The following TP53I13 variants were observed in gnomAD, a reference collection of about 807,000 sequenced individuals.
TP53I13 encodes tumor protein p53 inducible protein 13.
TP53I13 carries 27 observed loss-of-function variants against 39.1 expected under a neutral mutation model. That is an observed-to-expected ratio of 0.69 (90% CI 0.51 to 0.95). The LOEUF (loss-of-function observed/expected upper bound fraction) is 0.95. Among genes scored for constraint, TP53I13 ranks in the 40% least tolerant of loss-of-function variants. The pLI is 0.00. For missense variants in TP53I13, 544 were observed against 520.4 expected (o/e 1.05, Z -0.44); for synonymous variants, 230 against 224.6 (o/e 1.02, Z -0.22).
At position 29,572,817 on chromosome 17, in the gene TP53I13, C is replaced by T; in HGVS notation, c.1075C>T (p.Leu359=). 1.3e-6 allele frequency: 2 copies of T among 1,500,686 alleles called. No homozygotes were observed. Among genetic ancestry groups the T allele is most frequent in the East Asian group, 2.7e-5 (1 of 37,410 alleles). 93.0% of individuals were successfully genotyped at this position (1,500,686 alleles called of 1,614,324 possible). Residue 359 remains leucine (L), a synonymous_variant, in exon 7 of 7, where the codon CTG becomes TTG. Transcript: ENST00000301057. ...ADSQDTVAAV[L]KRRLLQPSRR... is the part of the protein sequence containing the mutation. ...GCTCGGCGCCCGGCCCACAGCTGTG[C>T]TGAAGCGGAGGCTGCTGCAGCCCTC... is the stretch of plus-strand genomic sequence containing the variant.
downstream of TP53I13, chr17:29,573,276 G>A (rs1255277602): frequency 4.3e-6 from 1 of 234,678 alleles, no homozygotes; most frequent in Non-Finnish European, 8.2e-6. Context: ...CCCTGGACAT[G>A]GGGCTTTAGG....
rs773242102 is a variant in TP53I13, at chr17:29,572,273, C to T, written c.645C>T (p.Pro215=). Residue 215 remains proline (P), a synonymous_variant, in exon 6 of 7, where the codon CCC becomes CCT. Transcript: ENST00000301057. ...RRLRAALGPQ[P]TRSALRFPSA... ...TGCGGGCTGCCCTTGGTCCCCAGCC[C>T]ACTCGCTCAGCCCTGAGGTTTCCCT... The T allele has an allele frequency of 6.2e-7, 1 of 1,612,898 alleles. No individual in the cohort carries two copies.
the TP53I13 span, among the ~76,000 whole-genome samples, chr17:29,579,638 ATGGTAGGAGGATCGTTTGAGGCTG>A: frequency 6.6e-6 from 1 of 151,834 alleles, no homozygotes; most frequent in East Asian, 1.9e-4. Flanking sequence ...TCAAGAGGCT[ATGGTAGGAGGATCGTTTGAGGCTG>A]TGGTAAGCTA....
chr17:29,578,678 G>A, the TP53I13 span: 2 of 1,461,880 alleles, frequency 1.4e-6, no homozygotes, highest in Non-Finnish European at 1.9e-6. Context: ...AGAGGGTGGG[G>A]GATCAGAGAG....
downstream of TP53I13, chr17:29,574,694 G>A: frequency 6.2e-7 from 1 of 1,607,058 alleles, no homozygotes; most frequent in African/African-American, 1.3e-5. Context: ...AGGGTGTGGG[G>A]AGAGAGGTCA....
At chr17:29,581,656 G>A in the TP53I13 span, 1 of 1,014,334 alleles carries the variant, frequency 9.9e-7, no homozygotes, top group Non-Finnish European at 1.5e-6. This position sits in a 1 kb window ranked among gnomAD's most constrained non-coding sequence, Gnocchi z 4.8. Context: ...TGTCACCATG[G>A]CACCTGCTGC....
chr17:29,569,387 T>C, intron 3 of TP53I13, 28 bp downstream of exon 3: 1 of 1,611,910 alleles, frequency 6.2e-7, no homozygotes, highest in Non-Finnish European at 8.5e-7. Flanking sequence ...CCCACCACCC[T>C]TGGTGTCCAC....
At chr17:29,569,152 C>T (rs1255608574) in intron 2 of TP53I13, 66 bp downstream of exon 2, 4 of 1,517,860 alleles carry the variant, frequency 2.6e-6, no homozygotes, top group Non-Finnish European at 3.6e-6. Context: ...GCTCTGTTCT[C>T]GCCGCACCCT....
At chr17:29,581,775 G>A in the TP53I13 span, 4 of 1,611,912 alleles carry the variant, frequency 2.5e-6, no homozygotes, top group Non-Finnish European at 2.5e-6. The surrounding 1 kb of genome is among the most constrained non-coding windows in gnomAD (Gnocchi z 4.8). Context: ...AAGGCCAGCC[G>A]GTCAGTGAGC....
chr17:29,566,881 C>G (rs778846800), upstream of TP53I13: 1 of 1,498,280 alleles, frequency 6.7e-7, no homozygotes, highest in Admixed American at 2.2e-5. Context: ...GGCGCGCCCC[C>G]AGGGTCCCCG....
chr17:29,581,463 G>A, the TP53I13 span: 2 of 1,092,990 alleles, frequency 1.8e-6, no homozygotes, highest in African/African-American at 1.5e-5. This position sits in a 1 kb window ranked among gnomAD's most constrained non-coding sequence, Gnocchi z 4.8. Flanking sequence ...GCCATGAGCA[G>A]GGCTGGCACC....
intron 2 of TP53I13, 73 bp from the exon 3 acceptor site, chr17:29,569,241 GGCCT>G: frequency 6.5e-7 from 1 of 1,545,692 alleles, no homozygotes; most frequent in South Asian, 1.2e-5. Context: ...TGGCGCTTGG[GGCCT>G]GCCGTCCCCT....
downstream of TP53I13, chr17:29,575,005 G>T: frequency 6.8e-7 from 1 of 1,465,322 alleles, no homozygotes; most frequent in Non-Finnish European, 9.4e-7. The surrounding 1 kb of genome is among the most constrained non-coding windows in gnomAD (Gnocchi z 5.5). Flanking sequence ...CCCAGGTAGC[G>T]ATCAGATGGG....
At chr17:29,577,683 G>C, downstream of TP53I13, 1 of 1,613,042 alleles carries the variant, frequency 6.2e-7, no homozygotes, top group Non-Finnish European at 8.5e-7. Flanking sequence ...TTAACAGGCA[G>C]GAAGGGCACG....
chr17:29,568,676 C>T (rs2032795874), upstream of TP53I13: 2 of 926,324 alleles, frequency 2.2e-6, no homozygotes, highest in Non-Finnish European at 2.6e-6. The surrounding 1 kb of genome is among the most constrained non-coding windows in gnomAD (Gnocchi z 4.5). Flanking sequence ...GGCGCGGGGG[C>T]GCTGGGGCTG....
downstream of TP53I13, chr17:29,576,858 C>A: frequency 6.3e-7 from 1 of 1,575,542 alleles, no homozygotes; most frequent in Non-Finnish European, 8.6e-7. Flanking sequence ...GGGTGGGACT[C>A]AGACCCGGGC....
chr17:29,581,360 T>C, the TP53I13 span: 5 of 1,612,832 alleles, frequency 3.1e-6, no homozygotes, highest in Admixed American at 6.7e-5. This position sits in a 1 kb window ranked among gnomAD's most constrained non-coding sequence, Gnocchi z 4.8. Flanking sequence ...TGTGGGATGA[T>C]GTAATGCCCA....
intron 2 of TP53I13, 77 bp downstream of exon 2, chr17:29,569,163 CCA>C (rs1567760098): frequency 1.3e-6 from 2 of 1,502,254 alleles, no homozygotes; most frequent in Non-Finnish European, 1.8e-6. Context: ...GCCGCACCCT[CCA>C]CAGTCACCAT....
At chr17:29,579,537 G>A in the TP53I13 span, among the ~76,000 whole-genome samples, 2 of 152,138 alleles carry the variant, frequency 1.3e-5, no homozygotes, top group African/African-American at 4.8e-5. Context: ...CTTGAGGCCA[G>A]GAGGTGGAGA....
Sources: allele counts gnomAD v4.1 joint callset (sites outside exome capture counted in the v4.1 genomes callset), GRCh38; gene constraint gnomAD v4.1.1; non-coding constraint Gnocchi (gnomAD v3.1); transcripts MANE v1.5; gene names NCBI Gene and HGNC (gene_info 2026-07-23, HGNC 2026-07-21).